SERPINB13: variants seen among roughly 807,000 people sequenced by gnomAD.
The protein encoded by SERPINB13 is serpin B13.
A neutral mutation model predicts 31.2 loss-of-function variants in SERPINB13; 26 were observed. The ratio of observed to expected loss-of-function variants is 0.83; its 90% confidence interval spans 0.61 to 1.15. The LOEUF (loss-of-function observed/expected upper bound fraction) is 1.15. SERPINB13 is among the 50% of genes most tolerant of loss of function. The probability of loss-of-function intolerance (pLI) is 0.00; values close to 1 mark genes in which losing one functional copy is unlikely to be tolerated. For missense variants in SERPINB13, 510 were observed against 469.4 expected (o/e 1.09, Z -0.80); for synonymous variants, 191 against 172.4 (o/e 1.11, Z -0.85).
At chr18:63,595,244 T>TCATACACAGA in intron 7 of SERPINB13, 60 bp downstream of exon 7, 1 of 1,525,632 alleles carries the variant, frequency 6.6e-7, no homozygotes, top group Non-Finnish European at 8.9e-7. Context: ...GTCTCAGGGC[T>TCATACACAGA]TCTGAGTAGG....
chr18:63,592,636 C>G (rs750012045), intron 4 of SERPINB13, among the ~76,000 whole-genome samples, 160 bp downstream of exon 4: 1 of 152,192 alleles, frequency 6.6e-6, no homozygotes, highest in Non-Finnish European at 1.5e-5. Flanking sequence ...GCAGGGAGTT[C>G]CTTTTTAGTC....
Position 63,592,841 on chromosome 18 carries a change from G to T in SERPINB13, c.355-13G>T. 7 of 1,494,592 alleles carry T rather than the reference G, an allele frequency of 4.7e-6. No homozygotes were observed. The highest frequency in any genetic ancestry group is 6.4e-6 in the Non-Finnish European group (7 of 1,088,446). The allele number at this position is 1,494,592 out of a possible 1,614,324, so 92.6% of individuals were successfully genotyped here. A position where few individuals can be genotyped will look rare whatever the true frequency, so the allele number is the denominator to read the frequency against. On this transcript the variant is annotated splice_polypyrimidine_tract_variant and intron_variant, in intron 4 of 7. Transcript: ENST00000344731. ...TTTAACCTCTTTTTATTCCTTCCTT[G>T]TTTCTCCTAAAGAAATACTTAGATT...
At chr18:63,588,941 G>T in intron 2 of SERPINB13, 109 bp downstream of exon 2, 5 of 1,192,464 alleles carry the variant, frequency 4.2e-6, no homozygotes, top group Non-Finnish European at 5.7e-6. Context: ...TTGACCTGTG[G>T]ACCAGGAAAC....
At chr18:63,594,167 A>G (rs1301583741) in intron 5 of SERPINB13, 188 bp from the exon 6 acceptor site, 4 of 1,502,798 alleles carry the variant, frequency 2.7e-6, no homozygotes, top group Non-Finnish European at 3.6e-6. Flanking sequence ...CACTGGGATA[A>G]ATAGGCGATG....
chr18:63,593,735 T>G (rs1911991301), intron 5 of SERPINB13, among the ~76,000 whole-genome samples: 2 of 152,164 alleles, frequency 1.3e-5, no homozygotes, highest in South Asian at 4.1e-4. Flanking sequence ...ATGCTTGGTC[T>G]GAAGAAAGGA....
At chr18:63,596,412 T>G (rs1029498671) in intron 7 of SERPINB13, among the ~76,000 whole-genome samples, 1 of 152,216 alleles carries the variant, frequency 6.6e-6, no homozygotes, top group African/African-American at 2.4e-5. Context: ...AATGCCCAGT[T>G]TGAAATTCAT....
intron 5 of SERPINB13, 27 bp downstream of exon 5, chr18:63,592,998 C>CA (rs1268027484): frequency 1.0e-5 from 14 of 1,342,458 alleles, no homozygotes; most frequent in South Asian, 3.7e-5. Context: ...TCATTCATTG[C>CA]AAAAAAACAA....
intron 1 of SERPINB13, among the ~76,000 whole-genome samples, chr18:63,588,236 T>G (rs2144383435): frequency 6.6e-6 from 1 of 152,320 alleles, no homozygotes; most frequent in Middle Eastern, 3.4e-3. Flanking sequence ...GAGATTCTTG[T>G]GCCTACCCCC....
In SERPINB13 at chr18:63,593,050, T is replaced by G. The variant is rs1298089149; in HGVS notation, c.472+79T>G. The G allele has an allele frequency of 4.5e-6, 4 of 896,758 alleles. No homozygotes were observed. In the African/African-American group the frequency reaches 5.0e-5, roughly 11 times the overall value. The allele number at this position is 896,758 out of a possible 1,614,324, so 55.6% of individuals were successfully genotyped here. On this transcript the variant is annotated intron_variant, in intron 5 of 7. Transcript: ENST00000344731. Reference sequence around the variant, plus strand: ...AAACAAAAAACACTTCTTGACAACCTGCTGTGAATGAAGCCCTGGACTTGT... The same window carrying G: ...AAACAAAAAACACTTCTTGACAACCGGCTGTGAATGAAGCCCTGGACTTGT...
chr18:63,595,019 T>C lies in SERPINB13; in HGVS notation c.616-10T>C, dbSNP rs201351193. The C allele has an allele frequency of 9.5e-4, 1,518 of 1,602,428 alleles. 1 individual carries two copies. Among genetic ancestry groups the C allele is most frequent in the Non-Finnish European group, 1.2e-3 (1,356 of 1,176,256 alleles). ...CCTTTGATATTGTGTGCTCTGTTAA[T>C]TTGTTGCAGAGCACAAGTAAATCTG... On this transcript the variant is annotated splice_polypyrimidine_tract_variant and intron_variant, in intron 6 of 7. Coordinates refer to ENST00000344731, the MANE Select transcript of SERPINB13 (RefSeq NM_012397.4).
chr18:63,591,852 AT>A (rs964913596), intron 3 of SERPINB13, among the ~76,000 whole-genome samples: 59 of 150,408 alleles, frequency 3.9e-4, no homozygotes, highest in South Asian at 1.9e-3. Flanking sequence ...TATTCAGAAA[AT>A]TTTTTTTTTC....
Position 63,597,058 on chromosome 18 carries a change from G to GA in SERPINB13, c.872dup (p.Asp292GlyfsTer20). 6.2e-7 allele frequency: 1 copy of GA among 1,614,184 alleles called. No homozygotes were observed. The highest frequency in any genetic ancestry group is 8.5e-7 in the Non-Finnish European group (1 of 1,180,020). On this transcript the variant is annotated frameshift_variant, in exon 8 of 8. Transcript: ENST00000344731. LOFTEE classifies it low-confidence loss of function (END_TRUNC). The stretch of plus-strand genomic sequence containing the variant: ...TCTGCACTTGCCCCGGTTTGAGGTG[G>GA]AGGACGGTTACGATCTAGAGGCGGT...
chr18:63,598,817 C>T lies in SERPINB13; in HGVS notation c.*1454C>T, dbSNP rs1486143896. On this transcript the variant is annotated 3_prime_UTR_variant, in exon 8 of 8. Coordinates refer to ENST00000344731, the MANE Select transcript of SERPINB13 (RefSeq NM_012397.4). ...GGCCATATGAAAAATCAATAGTTAG[C>T]TTTGTAAGAAACAGTCAAACTGTTT... 3 of 152,128 alleles carry T rather than the reference C, an allele frequency of 2.0e-5. No individual in the cohort carries two copies. In the East Asian group the frequency reaches 5.8e-4, roughly 29 times the overall value. The allele number at this position is 152,128 out of a possible 1,614,324, so 9.4% of individuals were successfully genotyped here. A position where few individuals can be genotyped will look rare whatever the true frequency, so the allele number is the denominator to read the frequency against.
In SERPINB13 at chr18:63,588,756, C is replaced by G. The variant is rs761310646; in HGVS notation, c.89C>G (p.Ser30Cys). 2.5e-6 allele frequency: 4 copies of G among 1,614,144 alleles called. No individual in the cohort carries two copies. In the South Asian group the frequency reaches 3.3e-5, roughly 13 times the overall value. ...ACAAATGATGGCAACATCTTCTTTT[C>G]CCCTGTGGGCATCTTGACTGCAATT... ...KKTNDGNIFF[S>C]PVGILTAIGM... Residue 30 changes from serine (S) to cysteine (C), a missense_variant, in exon 2 of 8, where the codon TCC (serine) becomes TGC (cysteine). Coordinates refer to ENST00000344731, the MANE Select transcript of SERPINB13 (RefSeq NM_012397.4).
At chr18:63,590,634 T>A (rs774538813) in intron 3 of SERPINB13, among the ~76,000 whole-genome samples, 13 of 152,232 alleles carry the variant, frequency 8.5e-5, no homozygotes, top group Non-Finnish European at 1.2e-4. Context: ...TGATAGCCCA[T>A]GTAGAACCTT....
intron 1 of SERPINB13, 29 bp from the exon 2 acceptor site, chr18:63,588,622 A>G: frequency 1.2e-6 from 2 of 1,603,152 alleles, no homozygotes; most frequent in Non-Finnish European, 1.7e-6. Context: ...TCAAATGTTC[A>G]GTTTTGATTG....
At chr18:63,587,543 C>G (rs181861476) in intron 1 of SERPINB13, 93 bp downstream of exon 1, 1 of 435,310 alleles carries the variant, frequency 2.3e-6, no homozygotes, top group Non-Finnish European at 4.7e-6. Flanking sequence ...TTTGCATAGA[C>G]TTTCTGGAGG....
chr18:63,593,695 T>G (rs933644593), intron 5 of SERPINB13, among the ~76,000 whole-genome samples: 1 of 105,774 alleles, frequency 9.5e-6, no homozygotes, highest in Non-Finnish European at 1.9e-5. Flanking sequence ...GAGAACTTTG[T>G]TATTCAGAAT....
At chr18:63,594,715 G>A (rs1006152731) in intron 6 of SERPINB13, among the ~76,000 whole-genome samples, 10 of 151,922 alleles carry the variant, frequency 6.6e-5, no homozygotes, top group Non-Finnish European at 1.0e-4. Flanking sequence ...GGTGCACGCC[G>A]GTAGTCCCAG....
Sources: gnomAD v4.1 joint callset for allele counts (sites outside exome capture counted in the v4.1 genomes callset) on GRCh38, gnomAD v4.1.1 for gene constraint, MANE v1.5 for transcripts, NCBI Gene and HGNC (gene_info 2026-07-23, HGNC 2026-07-21) for gene names.